SAFB2: variants seen among roughly 807,000 people sequenced by gnomAD.
The protein encoded by SAFB2 is scaffold attachment factor B2.
SAFB2 carries 32 observed loss-of-function variants against 100.6 expected under a neutral mutation model. The ratio of observed to expected loss-of-function variants is 0.32; its 90% confidence interval spans 0.24 to 0.43. The LOEUF (loss-of-function observed/expected upper bound fraction) is 0.43. Ranked by LOEUF, SAFB2 falls within the 20% of genes least tolerant of loss-of-function variation. The pLI is 1.00. For missense variants in SAFB2, 1,185 were observed against 1,163.4 expected, an observed-to-expected ratio of 1.02 and a Z score of -0.27; for synonymous variants, 500 against 439.4, an observed-to-expected ratio of 1.14 and a Z score of -1.72.
chr19:5,596,325 G>C (rs748788878), intron 13 of SAFB2, among the ~76,000 whole-genome samples: 50 of 152,298 alleles, frequency 3.3e-4, no homozygotes, highest in African/African-American at 6.3e-4. Flanking sequence ...ATAAGGTACA[G>C]AACACTAATA....
At chr19:5,610,874 G>A (rs1460771617) in intron 7 of SAFB2, 186 bp from the exon 8 acceptor site, 1 of 771,994 alleles carries the variant, frequency 1.3e-6, no homozygotes, top group East Asian at 2.8e-5. Context: ...ATTTGTAAAA[G>A]TCAATTCGAT....
chr19:5,601,287 G>GTGTC (rs1246283957), intron 11 of SAFB2, among the ~76,000 whole-genome samples: 1 of 152,184 alleles, frequency 6.6e-6, no homozygotes, highest in East Asian at 1.9e-4. Context: ...GGTGGCCTTA[G>GTGTC]TGTCAATCAC....
intron 9 of SAFB2, among the ~76,000 whole-genome samples, chr19:5,609,300 CTTT>C (rs751534976): frequency 8.4e-6 from 1 of 118,846 alleles, no homozygotes; most frequent in East Asian, 2.6e-4. Context: ...TCACTTCATT[CTTT>C]TTTTTTTTTT....
chr19:5,613,348 C>T, intron 5 of SAFB2, 117 bp downstream of exon 5: 2 of 928,552 alleles, frequency 2.2e-6, no homozygotes, highest in Middle Eastern at 2.2e-4. Context: ...ACCTCTTAAC[C>T]CCAGCATCCA....
At chr19:5,621,619 A>C (rs147335542) in intron 1 of SAFB2, among the ~76,000 whole-genome samples, 36 of 152,344 alleles carry the variant, frequency 2.4e-4, no homozygotes, top group African/African-American at 7.5e-4. Context: ...TGTGAGCAGG[A>C]GCTCCAGAAT....
chr19:5,593,885 A>G lies in SAFB2; in HGVS notation c.2207+6T>C. ...CCGTCCTGCCCACGCTCTGGGCGGG[A>G]CTCACCGGTCCAGGTCGTAGGGCCT... On this transcript the variant is annotated splice_donor_region_variant and intron_variant, in intron 15 of 20. Coordinates refer to ENST00000252542, the MANE Select transcript of SAFB2 (RefSeq NM_014649.3). 1 of 1,484,952 alleles carries G rather than the reference A, an allele frequency of 6.7e-7. No homozygotes were observed. The highest frequency in any genetic ancestry group is 8.9e-7 in the Non-Finnish European group (1 of 1,128,226). The allele number at this position is 1,484,952 out of a possible 1,614,324, so 92.0% of individuals were successfully genotyped here.
At chr19:5,606,337 AG>A (rs1230260245) in intron 9 of SAFB2, among the ~76,000 whole-genome samples, 2 of 152,250 alleles carry the variant, frequency 1.3e-5, no homozygotes, top group Non-Finnish European at 2.9e-5. Flanking sequence ...AAAAATTACC[AG>A]GCACAGGCTG....
chr19:5,614,906 C>A (rs542983002), intron 4 of SAFB2, among the ~76,000 whole-genome samples: 2 of 152,318 alleles, frequency 1.3e-5, no homozygotes, highest in East Asian at 1.9e-4. Flanking sequence ...AACTGCTTAA[C>A]CTTGCTTAAA....
In SAFB2 at chr19:5,621,187, T is replaced by C. The variant is rs1003395352; in HGVS notation, c.274+122A>G. On this transcript the variant is annotated intron_variant, in intron 2 of 20. Coordinates refer to ENST00000252542, the MANE Select transcript of SAFB2 (RefSeq NM_014649.3). ...AGGTGGTGACGAGCAAAGCTAACTC[T>C]TAGTGGAGGGACACCGAGTACCAGA... 6 of 717,282 alleles carry C rather than the reference T, an allele frequency of 8.4e-6. No individual in the cohort carries two copies. In the African/African-American group the frequency reaches 8.6e-5, roughly 10 times the overall value. The allele number at this position is 717,282 out of a possible 1,614,324, so 44.4% of individuals were successfully genotyped here. A position where few individuals can be genotyped will look rare whatever the true frequency, so the allele number is the denominator to read the frequency against.
rs750504671 is a variant in SAFB2 at position 5,616,413 on chromosome 19, A to G, written c.339+9T>C. ...TGCTGCTTGTCATCTCTACCCTGACATCACTTACCTGCCCGTCTCTGGAAT... is the reference window on the plus strand; with the variant it reads ...TGCTGCTTGTCATCTCTACCCTGACGTCACTTACCTGCCCGTCTCTGGAAT... On this transcript the variant is annotated intron_variant, in intron 3 of 20. Coordinates refer to ENST00000252542, the MANE Select transcript of SAFB2 (RefSeq NM_014649.3). The G allele has an allele frequency of 6.2e-7, 1 of 1,614,002 alleles. No individual in the cohort carries two copies. Among genetic ancestry groups the G allele is most frequent in the Non-Finnish European group, 8.5e-7 (1 of 1,179,996 alleles).
chr19:5,608,685 G>GAAGCCAC (rs1568223279), intron 9 of SAFB2, among the ~76,000 whole-genome samples: 3 of 152,136 alleles, frequency 2.0e-5, no homozygotes, highest in Non-Finnish European at 2.9e-5. Flanking sequence ...ACACTAAATG[G>GAAGCCAC]TCCGAACCTT....
chr19:5,598,862 C>T lies in SAFB2; in HGVS notation c.1713G>A (p.Thr571=), dbSNP rs200136013. The T allele has an allele frequency of 1.7e-5, 27 of 1,614,002 alleles. No homozygotes were observed. The highest frequency in any genetic ancestry group is 4.0e-5 in the African/African-American group (3 of 74,916). Residue 571 remains threonine (T), a synonymous_variant, in exon 13 of 21, where the codon ACG becomes ACA. Coordinates refer to ENST00000252542, the MANE Select transcript of SAFB2 (RefSeq NM_014649.3). ...CTCCTTTCGATTTATCCATCACGAC[C>T]GTCCGCTCCATTCCTCTGCTTCCTT... is the stretch of plus-strand genomic sequence containing the variant. ...TKSGSRGMER[T]VVMDKSKGEP...
chr19:5,609,247 A>G (rs2052849562), intron 9 of SAFB2, among the ~76,000 whole-genome samples: 1 of 151,380 alleles, frequency 6.6e-6, no homozygotes, highest in Non-Finnish European at 1.5e-5. Flanking sequence ...TCTAGTTATG[A>G]GACTATATAC....
intron 12 of SAFB2, 86 bp downstream of exon 12, chr19:5,600,044 T>G: frequency 7.2e-7 from 1 of 1,396,278 alleles, no homozygotes; most frequent in Non-Finnish European, 9.8e-7. Context: ...TCACCAGAGC[T>G]TGCTGTCCTC....
At chr19:5,612,084 G>A (rs1599269323) in intron 6 of SAFB2, 1 of 328,402 alleles carries the variant, frequency 3.0e-6, no homozygotes, top group South Asian at 2.9e-5. Context: ...CAGTCCGGAA[G>A]GGGAATAATA....
intron 2 of SAFB2, among the ~76,000 whole-genome samples, chr19:5,616,844 G>A (rs1244414470): frequency 6.6e-6 from 1 of 151,722 alleles, no homozygotes; most frequent in Non-Finnish European, 1.5e-5. Flanking sequence ...TAGAGATGGG[G>A]TTTCACCATA....
chr19:5,603,947 A>G (rs564706117), intron 11 of SAFB2, among the ~76,000 whole-genome samples: 1 of 152,360 alleles, frequency 6.6e-6, no homozygotes, highest in African/African-American at 2.4e-5. Flanking sequence ...TGAGGAAATG[A>G]TTCCAAGGTC....
chr19:5,587,469 T>C lies in SAFB2; in HGVS notation c.2706-70A>G. On this transcript the variant is annotated intron_variant, in intron 20 of 20. Transcript: ENST00000252542. This position sits in a 1 kb window ranked among gnomAD's most constrained non-coding sequence, Gnocchi z 4.9. ...CGTTTTCATCGTAACATGGGTTCAG[T>C]AACGGTCCCGCAGCCTTTAGAGCGC... 1 of 1,536,344 alleles carries C rather than the reference T, an allele frequency of 6.5e-7. No homozygotes were observed. The highest frequency in any genetic ancestry group is 1.4e-5 in the African/African-American group (1 of 73,290).
intron 2 of SAFB2, 68 bp from the exon 3 acceptor site, chr19:5,616,554 T>A (rs2053036018): frequency 7.6e-7 from 1 of 1,308,506 alleles, no homozygotes; most frequent in Non-Finnish European, 1.1e-6. Flanking sequence ...TTATGCAGAA[T>A]AGATTTCAAT....
Sources: allele counts gnomAD v4.1 joint callset (sites outside exome capture counted in the v4.1 genomes callset), GRCh38; gene constraint gnomAD v4.1.1; non-coding constraint Gnocchi (gnomAD v3.1); transcripts MANE v1.5; gene names NCBI Gene and HGNC (gene_info 2026-07-23, HGNC 2026-07-21).